The following EFNA5 variants were observed in gnomAD, a reference collection of about 807,000 sequenced individuals.
The protein encoded by EFNA5 is ephrin-A5.
A neutral mutation model predicts 22.9 loss-of-function variants in EFNA5; 5 were observed. That is an observed-to-expected ratio of 0.22 (90% CI 0.11 to 0.46). The LOEUF (loss-of-function observed/expected upper bound fraction) is 0.46. EFNA5 is among the 20% of genes least tolerant of loss of function. The pLI, the probability that EFNA5 is intolerant of heterozygous loss-of-function variation, is 0.99. For synonymous variants in EFNA5, 113 were observed against 112.2 expected, an observed-to-expected ratio of 1.01 and a Z score of -0.04; for missense variants, 237 against 293.3, an observed-to-expected ratio of 0.81 and a Z score of 1.40.
intron 2 of EFNA5, among the ~76,000 whole-genome samples, chr5:107,414,785 A>T (rs956528164): frequency 2.0e-5 from 3 of 152,194 alleles, no homozygotes; most frequent in Admixed American, 1.3e-4. Context: ...TAATCTAGCA[A>T]ATGTTATTGA....
intron 2 of EFNA5, among the ~76,000 whole-genome samples, chr5:107,416,838 G>T (rs1195844807): frequency 6.6e-6 from 1 of 152,110 alleles, no homozygotes; most frequent in East Asian, 1.9e-4. Context: ...ACTTAGATTT[G>T]CCCATTAAAA....
intron 1 of EFNA5, among the ~76,000 whole-genome samples, chr5:107,538,445 A>C (rs564283861): frequency 9.1e-4 from 139 of 152,234 alleles, no homozygotes; most frequent in Admixed American, 9.0e-3. Flanking sequence ...ACAAAAATTT[A>C]GATGCCCAAA....
At chr5:107,384,673 G>A (rs73194958) in intron 4 of EFNA5, among the ~76,000 whole-genome samples, 4,111 of 151,786 alleles carry the variant, frequency 0.027, 187 homozygotes, top group African/African-American at 0.094. Context: ...GCACAGTGGC[G>A]TGATCATAGC....
chr5:107,604,305 G>A (rs80068381), intron 1 of EFNA5, among the ~76,000 whole-genome samples: 2,999 of 151,962 alleles, frequency 0.02, 47 homozygotes, highest in Middle Eastern at 0.034. Context: ...TCAGCCTCCC[G>A]AGTAGCTGGG....
chr5:107,500,563 G>A (rs1747109641), intron 1 of EFNA5, among the ~76,000 whole-genome samples: 1 of 152,088 alleles, frequency 6.6e-6, no homozygotes, highest in South Asian at 2.1e-4. Context: ...CATTAGCCTG[G>A]CTTTGTTTCC....
chr5:107,389,688 G>A (rs527256702), intron 2 of EFNA5, among the ~76,000 whole-genome samples: 57 of 152,222 alleles, frequency 3.7e-4, no homozygotes, highest in African/African-American at 1.3e-3. Flanking sequence ...ATTATTGTAG[G>A]GCACATGGCA....
intron 1 of EFNA5, among the ~76,000 whole-genome samples, chr5:107,659,496 CTTTTTTTTTTT>C (rs550340874): frequency 7.7e-6 from 1 of 129,270 alleles, no homozygotes; most frequent in African/African-American, 2.8e-5. Flanking sequence ...TTGGGTTTTC[CTTTTTTTTTTT>C]TTTTTTTTAG....
chr5:107,640,022 T>A (rs2112543261), intron 1 of EFNA5, among the ~76,000 whole-genome samples: 1 of 152,262 alleles, frequency 6.6e-6, no homozygotes, highest in East Asian at 1.9e-4. Context: ...GAACAGTAGG[T>A]CAGTATTTGA....
At chr5:107,471,455 A>AT (rs1264888494) in intron 1 of EFNA5, among the ~76,000 whole-genome samples, 1 of 152,038 alleles carries the variant, frequency 6.6e-6, no homozygotes, top group African/African-American at 2.4e-5. Flanking sequence ...TACAGAGATT[A>AT]TTTTTTCTAA....
intron 1 of EFNA5, among the ~76,000 whole-genome samples, chr5:107,577,421 C>T (rs1321778996): frequency 1.3e-5 from 2 of 152,016 alleles, no homozygotes; most frequent in African/African-American, 4.8e-5. Context: ...GAGCTGTGTG[C>T]CCTTTCAGAC....
At chr5:107,402,647 T>A (rs1748116261) in intron 2 of EFNA5, among the ~76,000 whole-genome samples, 2 of 152,248 alleles carry the variant, frequency 1.3e-5, no homozygotes, top group African/African-American at 2.4e-5. Context: ...GATACACTAC[T>A]GTATACGCAC....
At chr5:107,609,814 A>G (rs1749793224) in intron 1 of EFNA5, among the ~76,000 whole-genome samples, 1 of 152,142 alleles carries the variant, frequency 6.6e-6, no homozygotes, top group African/African-American at 2.4e-5. Context: ...CCCGCCGCCG[A>G]CTAGAATAAG....
chr5:107,625,297 G>A (rs1034473038), intron 1 of EFNA5, among the ~76,000 whole-genome samples: 3 of 151,938 alleles, frequency 2.0e-5, no homozygotes, highest in Non-Finnish European at 2.9e-5. Context: ...AGGTTTTTGA[G>A]ATTGTCTATG....
intron 2 of EFNA5, among the ~76,000 whole-genome samples, 200 bp from the exon 3 acceptor site, chr5:107,387,971 G>A (rs978377135): frequency 8.5e-5 from 13 of 152,160 alleles, no homozygotes; most frequent in Admixed American, 2.0e-4. Flanking sequence ...CATATCCTGA[G>A]TTTCTCTTTT....
At chr5:107,381,484 T>G in intron 4 of EFNA5, 108 bp from the exon 5 acceptor site, 1 of 1,254,844 alleles carries the variant, frequency 8.0e-7, no homozygotes, top group Non-Finnish European at 1.1e-6. Context: ...AGTAGGGTAA[T>G]GAACCTTGTG....
intron 1 of EFNA5, among the ~76,000 whole-genome samples, chr5:107,622,787 C>T (rs1203274115): frequency 1.3e-5 from 2 of 151,272 alleles, no homozygotes; most frequent in African/African-American, 2.4e-5. Flanking sequence ...TTTAGGAGGC[C>T]GAGGCGGGTG....
chr5:107,632,487 CTA>C (rs1276456943), intron 1 of EFNA5, among the ~76,000 whole-genome samples: 3 of 152,148 alleles, frequency 2.0e-5, no homozygotes, highest in Non-Finnish European at 4.4e-5. Flanking sequence ...ATCTTGTCAA[CTA>C]TTTACTTTTT....
In EFNA5 at chr5:107,513,428, G is replaced by A. The variant is rs771316390; in HGVS notation, c.126-85919C>T. On this transcript the variant is annotated intron_variant, in intron 1 of 4. Coordinates refer to ENST00000333274, the MANE Select transcript of EFNA5 (RefSeq NM_001962.3). ...CCCATTTCAGAGCATGTCAGGAATG[G>A]GTACTCTCCCACTGCAAAGATGGGG... Among the ~76,000 whole-genome samples, 27 of 152,142 alleles carry A rather than the reference G, an allele frequency of 1.8e-4. 2 individuals carry two copies. Among genetic ancestry groups the A allele is most frequent in the Non-Finnish European group, 3.1e-4 (21 of 68,028 alleles).
At chr5:107,634,282 A>C (rs1750327953) in intron 1 of EFNA5, among the ~76,000 whole-genome samples, 1 of 152,136 alleles carries the variant, frequency 6.6e-6, no homozygotes, top group African/African-American at 2.4e-5. Context: ...TTGGAAGGCC[A>C]AGCTGGGAGG....
Sources: allele counts gnomAD v4.1 joint callset (sites outside exome capture counted in the v4.1 genomes callset), GRCh38; gene constraint gnomAD v4.1.1; transcripts MANE v1.5; gene names NCBI Gene and HGNC (gene_info 2026-07-23, HGNC 2026-07-21).